Variants in DMD observed in about 807,000 individuals in gnomAD.
The protein encoded by DMD is dystrophin.
In DMD, 63 loss-of-function variants were observed where a neutral mutation model predicts 330.1. The ratio of observed to expected loss-of-function variants is 0.19; its 90% CI spans 0.16 to 0.24. The LOEUF is 0.24. DMD is among the 10% of genes least tolerant of loss of function. DMD has a pLI of 1.00. For missense variants in DMD, 3,344 were observed against 2,684.1 expected, an observed-to-expected ratio of 1.25 and a Z score of -5.43; for synonymous variants, 1,223 against 959.8, an observed-to-expected ratio of 1.27 and a Z score of -5.07.
chrX:32,496,714 C>A (rs1304821786), intron 19 of DMD, among the ~76,000 whole-genome samples: 2 of 112,958 alleles, frequency 1.8e-5, no homozygotes, highest in South Asian at 3.6e-4. Context: ...CTCACACACA[C>A]CCACAGAGGC....
At chrX:31,323,726 T>C in intron 61 of DMD, 68 bp from the exon 62 acceptor site, 2 of 957,395 alleles carry the variant, frequency 2.1e-6, no homozygotes, top group East Asian at 3.2e-5. Flanking sequence ...AAAGACAACA[T>C]TAATCTCCAG....
intron 41 of DMD, among the ~76,000 whole-genome samples, chrX:32,340,016 G>T (rs964066017): frequency 9.0e-6 from 1 of 111,686 alleles, no homozygotes; most frequent in African/African-American, 3.2e-5. Flanking sequence ...GTAAGAATTG[G>T]GAAAGATAAC....
chrX:32,397,032 A>G (rs2098049586), intron 30 of DMD, among the ~76,000 whole-genome samples: 1 of 111,413 alleles, frequency 9.0e-6, no homozygotes, highest in Admixed American at 9.6e-5. Context: ...TGTAAAAATC[A>G]CTCATAAAAA....
chrX:32,802,585 C>T (rs1462085758), intron 7 of DMD, among the ~76,000 whole-genome samples: 1 of 111,423 alleles, frequency 9.0e-6, no homozygotes, highest in African/African-American at 3.3e-5. Context: ...CAGCTTTTGC[C>T]CATTCAGTAT....
chrX:31,655,336 G>A (rs963221941), intron 54 of DMD, among the ~76,000 whole-genome samples: 2 of 110,889 alleles, frequency 1.8e-5, no homozygotes, highest in African/African-American at 3.3e-5. Flanking sequence ...AACTTGATTC[G>A]ATTTTGCAGG....
intron 11 of DMD, 110 bp from the exon 12 acceptor site, chrX:32,614,563 G>T: frequency 1.5e-6 from 1 of 648,975 alleles, no homozygotes; most frequent in South Asian, 2.6e-5. Flanking sequence ...GCATTTGGGG[G>T]CATCTATTGG....
chrX:33,163,553 T>TGTATATATATATATAC (rs1491253185), intron 1 of DMD, among the ~76,000 whole-genome samples: 17 of 75,395 alleles, frequency 2.3e-4, no homozygotes, highest in African/African-American at 1.2e-3. Context: ...TATATGTGTG[T>TGTATATATATATATAC]ATATATATAT....
intron 19 of DMD, among the ~76,000 whole-genome samples, chrX:32,497,011 A>G (rs2043557759): frequency 1.8e-5 from 2 of 111,910 alleles, no homozygotes; most frequent in Admixed American, 9.5e-5. Context: ...ATTAAAATAT[A>G]TGATTAGAAG....
At chrX:32,592,437 G>A (rs1181441991) in intron 13 of DMD, among the ~76,000 whole-genome samples, 1 of 111,007 alleles carries the variant, frequency 9.0e-6, no homozygotes, top group African/African-American at 3.3e-5. Context: ...TGACCTGCCT[G>A]CATAAAGGAG....
intron 63 of DMD, among the ~76,000 whole-genome samples, chrX:31,259,530 C>A (rs1157306946): frequency 9.0e-6 from 1 of 111,636 alleles, no homozygotes; most frequent in Non-Finnish European, 1.9e-5. Context: ...TTAGCTGATC[C>A]CAATTTTATT....
At chrX:33,225,387 G>C (rs1335569302) in intron 1 of DMD, among the ~76,000 whole-genome samples, 3 of 111,575 alleles carry the variant, frequency 2.7e-5, no homozygotes, top group African/African-American at 9.8e-5. Context: ...GAACAGAATA[G>C]AGACTTCAGA....
intron 1 of DMD, among the ~76,000 whole-genome samples, chrX:33,160,904 T>C (rs751361261): frequency 1.8e-5 from 2 of 111,691 alleles, no homozygotes; most frequent in East Asian, 5.6e-4. Flanking sequence ...TTTTTAAACC[T>C]TTAATCTTAT....
At chrX:32,773,087 T>C (rs12007409) in intron 7 of DMD, among the ~76,000 whole-genome samples, 9,714 of 111,539 alleles carry the variant, frequency 0.087, 1,039 homozygotes, top group African/African-American at 0.3. Flanking sequence ...AGGTGGTGCT[T>C]ACCCTTTCCC....
chrX:31,983,464 T>C (rs1376558616), intron 44 of DMD, among the ~76,000 whole-genome samples: 2 of 111,735 alleles, frequency 1.8e-5, no homozygotes, highest in Non-Finnish European at 3.8e-5. Context: ...TTTTAATTAG[T>C]AAACACAAAC....
intron 7 of DMD, among the ~76,000 whole-genome samples, chrX:32,709,739 C>T (rs1237669686): frequency 9.0e-6 from 1 of 111,636 alleles, no homozygotes; most frequent in African/African-American, 3.3e-5. Context: ...ATTTCCTATC[C>T]CATTTAAAGA....
At chrX:32,056,903 T>C (rs2096180198) in intron 44 of DMD, among the ~76,000 whole-genome samples, 1 of 111,149 alleles carries the variant, frequency 9.0e-6, no homozygotes, top group African/African-American at 3.3e-5. Flanking sequence ...CAACAGTATA[T>C]TGAAAGGATT....
intron 53 of DMD, among the ~76,000 whole-genome samples, chrX:31,671,718 A>T (rs1203505577): frequency 9.0e-6 from 1 of 111,369 alleles, no homozygotes; most frequent in Non-Finnish European, 1.9e-5. Context: ...ATCCTCTTTT[A>T]CTTCTTTTTA....
chrX:32,005,094 C>T (rs1569530434), intron 44 of DMD, among the ~76,000 whole-genome samples: 1 of 111,258 alleles, frequency 9.0e-6, no homozygotes, highest in Non-Finnish European at 1.9e-5. Context: ...CAACTGCATG[C>T]AAACTAGCCT....
intron 41 of DMD, among the ~76,000 whole-genome samples, chrX:32,315,425 TGATGGGTGCA>T (rs1203057491): frequency 2.7e-5 from 3 of 110,429 alleles, no homozygotes; most frequent in Non-Finnish European, 5.7e-5. Context: ...GATGACAGGT[TGATGGGTGCA>T]GCAAACCACC....
Sources: allele counts gnomAD v4.1 joint callset (sites outside exome capture counted in the v4.1 genomes callset), GRCh38; gene constraint gnomAD v4.1.1; transcripts MANE v1.5; gene names NCBI Gene and HGNC (gene_info 2026-07-23, HGNC 2026-07-21).